The following NDRG4 variants were observed in gnomAD, a reference collection of about 807,000 sequenced individuals.
The protein encoded by NDRG4 is protein NDRG4.
A neutral mutation model predicts 55.8 loss-of-function variants in NDRG4; 38 were observed. The ratio of observed to expected loss-of-function variants is 0.68; its 90% CI spans 0.53 to 0.89. NDRG4 has a LOEUF of 0.89. Ranked by LOEUF, NDRG4 falls within the 40% of genes least tolerant of loss-of-function variation. The pLI, the probability that NDRG4 is intolerant of heterozygous loss-of-function variation, is 0.00. For synonymous variants in NDRG4, 190 were observed against 182.7 expected, an observed-to-expected ratio of 1.04 and a Z score of -0.32; for missense variants, 455 against 468.6, an observed-to-expected ratio of 0.97 and a Z score of 0.27.
intron 10 of NDRG4, 93 bp from the exon 11 acceptor site, chr16:58,508,869 C>G: frequency 2.8e-6 from 4 of 1,425,918 alleles, no homozygotes; most frequent in Non-Finnish European, 3.9e-6. Flanking sequence ...CCTGCACCCC[C>G]TCTCCTCCCC....
chr16:58,502,104 G>A (rs1432092663), intron 1 of NDRG4: 2 of 430,556 alleles, frequency 4.6e-6, no homozygotes, highest in South Asian at 1.6e-5. Flanking sequence ...CCTGAGACTG[G>A]CACCTGGCAG....
At chr16:58,500,515 T>A in intron 1 of NDRG4, 3 of 263,026 alleles carry the variant, frequency 1.1e-5, no homozygotes, top group Non-Finnish European at 1.5e-5. Flanking sequence ...AGCGTGTGGT[T>A]GGGGGGTGGG....
chr16:58,465,396 T>C (rs2151527832), intron 1 of NDRG4, among the ~76,000 whole-genome samples: 1 of 152,190 alleles, frequency 6.6e-6, no homozygotes, highest in African/African-American at 2.4e-5. Flanking sequence ...CGGGGGCAGC[T>C]TTTGAAGACC....
At chr16:58,507,687 C>G in intron 8 of NDRG4, 121 bp from the exon 9 acceptor site, 1 of 922,132 alleles carries the variant, frequency 1.1e-6, no homozygotes, top group Non-Finnish European at 1.7e-6. Flanking sequence ...GCCTCCAGTT[C>G]ATTTATGCAG....
chr16:58,487,925 T>C (rs2035300744), intron 2 of NDRG4: 2 of 1,175,070 alleles, frequency 1.7e-6, no homozygotes, highest in African/African-American at 3.1e-5. Context: ...ACCGCGTGCC[T>C]TTCCTGCAGC....
Position 58,510,663 on chromosome 16 carries a change from G to C in NDRG4, c.884G>C (p.Arg295Pro), listed in dbSNP as rs1285723384. 9 of 1,535,894 alleles carry C rather than the reference G, an allele frequency of 5.9e-6. No individual in the cohort carries two copies. Among genetic ancestry groups the C allele is most frequent in the Admixed American group, 2.0e-5 (1 of 50,990 alleles). Residue 295 changes from arginine (R) to proline (P), a missense_variant, in exon 14 of 15, where the codon CGA (arginine) becomes CCA (proline). By Grantham distance (103) the Arg-to-Pro change is moderately radical. Transcript: ENST00000570248. ...CTCTTAGTTGCGTACTTGAAGGACCGAAGGCTGAGTGGAGGAGCAGGTAGC... is the reference window on the plus strand; with the variant it reads ...CTCTTAGTTGCGTACTTGAAGGACCCAAGGCTGAGTGGAGGAGCAGGTAGC... ...GMGYIAYLKD[R>P]RLSGGAVPSA... is the part of the protein sequence containing the mutation.
intron 5 of NDRG4, among the ~76,000 whole-genome samples, chr16:58,505,419 CA>C (rs374142391): frequency 0.017 from 1,410 of 81,852 alleles, 21 homozygotes; most frequent in African/African-American, 0.057. Flanking sequence ...TAAAAACAAG[CA>C]AAAAAAAAAA....
At chr16:58,465,243 TC>T in intron 1 of NDRG4, 1 of 589,298 alleles carries the variant, frequency 1.7e-6, no homozygotes, top group South Asian at 1.5e-5. Flanking sequence ...CCAGTAAGTG[TC>T]CTCCGACACC....
intron 1 of NDRG4, among the ~76,000 whole-genome samples, chr16:58,475,940 G>T (rs2033562571): frequency 6.6e-6 from 1 of 152,190 alleles, no homozygotes; most frequent in Admixed American, 6.5e-5. Context: ...GGGGTTACAG[G>T]TGCTGGCCAC....
At position 58,508,021 on chromosome 16, in the gene NDRG4, C is replaced by G. The variant is rs768076255; in HGVS notation, c.729+22C>G. On this transcript the variant is annotated intron_variant, in intron 10 of 14. Transcript: ENST00000570248. ...GGTGGTAAGTGAGGGGCTGTGGGCTCACTGGGGGTGGGAGGTAGGGGTGAG... is the reference window on the plus strand; with the variant it reads ...GGTGGTAAGTGAGGGGCTGTGGGCTGACTGGGGGTGGGAGGTAGGGGTGAG... 4 of 1,525,796 alleles carry G rather than the reference C, an allele frequency of 2.6e-6. No individual in the cohort carries two copies. In the Admixed American group the frequency reaches 7.7e-5, roughly 29 times the overall value. 94.5% of individuals were successfully genotyped at this position (1,525,796 alleles called of 1,614,324 possible).
intron 13 of NDRG4, among the ~76,000 whole-genome samples, chr16:58,509,801 A>G (rs1164853600): frequency 1.3e-5 from 2 of 152,176 alleles, no homozygotes; most frequent in Non-Finnish European, 2.9e-5. Context: ...ACCCAGGGGC[A>G]TCATAGGAGT....
intron 1 of NDRG4, among the ~76,000 whole-genome samples, chr16:58,480,998 G>A (rs570433444): frequency 6.7e-6 from 1 of 148,656 alleles, no homozygotes; most frequent in Non-Finnish European, 1.5e-5. Flanking sequence ...GACAGAGTGA[G>A]ACTCTGTCTT....
chr16:58,500,641 C>G, intron 1 of NDRG4: 1 of 481,850 alleles, frequency 2.1e-6, no homozygotes, highest in East Asian at 3.7e-5. Flanking sequence ...CTCTGGTGTG[C>G]GCTTGGATGG....
chr16:58,509,457 A>G (rs930307993), intron 13 of NDRG4, 105 bp downstream of exon 13: 80 of 1,216,016 alleles, frequency 6.6e-5, no homozygotes, highest in Non-Finnish European at 8.7e-5. Context: ...GTCAGGTGGT[A>G]GTAGGGAGCC....
At chr16:58,470,898 C>T (rs1470117951) in intron 1 of NDRG4, among the ~76,000 whole-genome samples, 1 of 113,424 alleles carries the variant, frequency 8.8e-6, no homozygotes, top group African/African-American at 3.7e-5. Flanking sequence ...CAGAGCAAGA[C>T]ACCATCTCCA....
At chr16:58,507,653 G>T in intron 8 of NDRG4, 155 bp from the exon 9 acceptor site, 1 of 698,740 alleles carries the variant, frequency 1.4e-6, no homozygotes, top group Non-Finnish European at 2.4e-6. Flanking sequence ...ATGTGCTAGG[G>T]AGTCCAAAAA....
At position 58,506,620 on chromosome 16, in the gene NDRG4, G is replaced by T. The variant is rs372969385; in HGVS notation, c.516+6G>T. On this transcript the variant is annotated splice_donor_region_variant and intron_variant, in intron 7 of 14. Coordinates refer to ENST00000570248, the MANE Select transcript of NDRG4 (RefSeq NM_001242835.2). ...TCTCCCACCTCTTCAGCCAGGTAAGGGGGGGAACTTCTGCAGATCTGGGGT... is the reference window on the plus strand; with the variant it reads ...TCTCCCACCTCTTCAGCCAGGTAAGTGGGGGAACTTCTGCAGATCTGGGGT... 7.1e-6 allele frequency: 11 copies of T among 1,552,666 alleles called. No individual in the cohort carries two copies. The highest frequency in any genetic ancestry group is 4.8e-5 in the South Asian group (4 of 84,036).
In NDRG4 at chr16:58,506,424, T is replaced by C; in HGVS notation, c.410T>C (p.Val137Ala). 1.2e-6 allele frequency: 2 copies of C among 1,612,634 alleles called. No individual in the cohort carries two copies. Among genetic ancestry groups the C allele is most frequent in the Non-Finnish European group, 8.5e-7 (1 of 1,179,794 alleles). The stretch of plus-strand genomic sequence containing the variant: ...GACCTGGTGGAGGGGCTGGTGCTGG[T>C]GAACATCGACCCCAATGGCAAAGGC... The part of the protein sequence containing the change: ...FPDLVEGLVL[V>A]NIDPNGKGWI... Residue 137 changes from valine (V) to alanine (A), a missense_variant, in exon 6 of 15, where the codon GTG becomes GCG. Coordinates refer to ENST00000570248, the MANE Select transcript of NDRG4 (RefSeq NM_001242835.2).
At chr16:58,483,995 A>G (rs1239011637) in intron 1 of NDRG4, among the ~76,000 whole-genome samples, 3 of 152,216 alleles carry the variant, frequency 2.0e-5, no homozygotes, top group Non-Finnish European at 4.4e-5. Context: ...ACTTGAGTCC[A>G]GGAGTTCGAG....
Sources: gnomAD v4.1 joint callset for allele counts (sites outside exome capture counted in the v4.1 genomes callset) on GRCh38, gnomAD v4.1.1 for gene constraint, MANE v1.5 for transcripts, NCBI Gene and HGNC (gene_info 2026-07-23, HGNC 2026-07-21) for gene names.